ARHGAP12: variants seen among roughly 807,000 people sequenced by gnomAD.
ARHGAP12 encodes the protein rho GTPase-activating protein 12.
ARHGAP12 carries 64 observed loss-of-function variants against 108.6 expected under a neutral mutation model. The ratio of observed to expected loss-of-function variants is 0.59; its 90% CI spans 0.48 to 0.73. The LOEUF (loss-of-function observed/expected upper bound fraction) is 0.73, where lower values mean the gene tolerates loss of function less well. ARHGAP12 is among the 30% of genes least tolerant of loss of function. The probability of loss-of-function intolerance (pLI) is 0.00; values close to 1 mark genes in which losing one functional copy is unlikely to be tolerated. For synonymous variants in ARHGAP12, 312 were observed against 337.2 expected, an observed-to-expected ratio of 0.93 and a Z score of 0.82; for missense variants, 940 against 1,005.9, an observed-to-expected ratio of 0.93 and a Z score of 0.89.
At chr10:31,918,049 G>A (rs1839635426) in intron 1 of ARHGAP12, among the ~76,000 whole-genome samples, 1 of 151,716 alleles carries the variant, frequency 6.6e-6, no homozygotes, top group African/African-American at 2.4e-5. Flanking sequence ...TTAAACTCCT[G>A]GGTTCAAGAA....
chr10:31,853,023 C>T (rs922035519), intron 5 of ARHGAP12, among the ~76,000 whole-genome samples: 3 of 152,018 alleles, frequency 2.0e-5, no homozygotes, highest in South Asian at 2.1e-4. Flanking sequence ...CCACGGCGCC[C>T]GGCCGGCAAC....
chr10:31,828,504 T>A (rs1230449846), intron 10 of ARHGAP12, among the ~76,000 whole-genome samples: 1 of 152,190 alleles, frequency 6.6e-6, no homozygotes, highest in East Asian at 1.9e-4. Context: ...CTCCCTACTA[T>A]GAAAAATACT....
intron 3 of ARHGAP12, among the ~76,000 whole-genome samples, chr10:31,892,140 C>T (rs1196435805): frequency 2.6e-5 from 4 of 152,162 alleles, no homozygotes; most frequent in African/African-American, 7.2e-5. Context: ...CAACTGGTAC[C>T]AGACACTGCA....
intron 3 of ARHGAP12, among the ~76,000 whole-genome samples, chr10:31,879,000 A>T (rs575655899): frequency 6.6e-6 from 1 of 152,374 alleles, no homozygotes; most frequent in African/African-American, 2.4e-5. Context: ...ACAGAAAATG[A>T]AATCTTCAAC....
intron 3 of ARHGAP12, among the ~76,000 whole-genome samples, chr10:31,880,636 A>G (rs1269799803): frequency 3.3e-5 from 5 of 152,222 alleles, no homozygotes; most frequent in African/African-American, 9.6e-5. Flanking sequence ...CTAAATGTAC[A>G]TAAGTTATCT....
rs58245483 is a variant in ARHGAP12, at chr10:31,918,315, T to TCACACACA, written c.-110-7760_-110-7753dup. 2.2e-3 allele frequency among the ~76,000 whole-genome samples: 308 copies of TCACACACA among 140,052 alleles called. 3 individuals are homozygous for TCACACACA. The highest frequency in any genetic ancestry group is 7.2e-3 in the Middle Eastern group (2 of 276). 91.9% of individuals were successfully genotyped at this position (140,052 alleles called of 152,430 possible). A position where few individuals can be genotyped will look rare whatever the true frequency, so the allele number is the denominator to read the frequency against. The stretch of plus-strand genomic sequence containing the variant: ...TGAATATTACTGATCATTAGGGAAA[T>TCACACACA]CACACACACACACACACACACACAC... On this transcript the variant is annotated intron_variant, in intron 1 of 19. Coordinates refer to ENST00000344936, the MANE Select transcript of ARHGAP12 (RefSeq NM_018287.7).
At chr10:31,823,139 G>A (rs553911360) in intron 11 of ARHGAP12, among the ~76,000 whole-genome samples, 12 of 152,250 alleles carry the variant, frequency 7.9e-5, no homozygotes, top group African/African-American at 2.9e-4. Context: ...TACTACGTAA[G>A]CTTTGAAGCC....
At chr10:31,861,796 A>G in intron 3 of ARHGAP12, 138 bp from the exon 4 acceptor site, 1 of 841,884 alleles carries the variant, frequency 1.2e-6, no homozygotes, top group East Asian at 2.9e-5. Flanking sequence ...TGAGGAAATA[A>G]TAATTTAACA....
Position 31,820,966 on chromosome 10 carries a change from T to A in ARHGAP12, c.1531-478A>T, listed in dbSNP as rs528155258. Among the ~76,000 whole-genome samples, 149 of 152,264 alleles carry A rather than the reference T, an allele frequency of 9.8e-4. 2 individuals carry two copies. The South Asian group carries it at 0.022, about 22-fold the overall frequency. The stretch of plus-strand genomic sequence containing the variant: ...ATTTATCCTAGACTACACATGACTA[T>A]GTAAAATGCTATGTACACAAAGGCA... On this transcript the variant is annotated intron_variant, in intron 11 of 19. Transcript: ENST00000344936.
chr10:31,849,687 T>C (rs575205008), intron 6 of ARHGAP12, among the ~76,000 whole-genome samples: 65 of 152,308 alleles, frequency 4.3e-4, no homozygotes, highest in African/African-American at 1.5e-3. Context: ...TCCAATTTAA[T>C]TGAGAGTTAA....
chr10:31,837,671 CCT>C (rs1220614711), intron 9 of ARHGAP12, among the ~76,000 whole-genome samples: 3 of 152,074 alleles, frequency 2.0e-5, no homozygotes, highest in African/African-American at 4.8e-5. Flanking sequence ...GTGTACAACC[CCT>C]GATTAGTGCC....
intron 3 of ARHGAP12, among the ~76,000 whole-genome samples, chr10:31,889,100 C>T (rs1473794257): frequency 1.3e-5 from 2 of 152,144 alleles, no homozygotes; most frequent in Non-Finnish European, 2.9e-5. Context: ...TTAGTAGAGA[C>T]AGGGTTTCGC....
chr10:31,817,259 C>T (rs552069817), intron 13 of ARHGAP12, among the ~76,000 whole-genome samples: 1 of 151,974 alleles, frequency 6.6e-6, no homozygotes, highest in South Asian at 2.1e-4. Context: ...ACTAACATAC[C>T]TGCAGAATAT....
At chr10:31,912,432 C>T (rs1209482689) in intron 1 of ARHGAP12, among the ~76,000 whole-genome samples, 2 of 152,250 alleles carry the variant, frequency 1.3e-5, no homozygotes, top group East Asian at 1.9e-4. Flanking sequence ...GAGTTAAAGG[C>T]CAGTCCACAT....
chr10:31,856,743 A>G (rs1836900805), intron 4 of ARHGAP12, among the ~76,000 whole-genome samples: 1 of 152,210 alleles, frequency 6.6e-6, no homozygotes, highest in African/African-American at 2.4e-5. Flanking sequence ...ATAACCTCAC[A>G]TTAAAACAGA....
At chr10:31,928,056 C>A (rs1162081075) in intron 1 of ARHGAP12, among the ~76,000 whole-genome samples, 1 of 152,180 alleles carries the variant, frequency 6.6e-6, no homozygotes, top group Admixed American at 6.5e-5. Context: ...CAACAGTCCT[C>A]GAGGGACGCC....
chr10:31,822,744 G>T (rs1835461184), intron 11 of ARHGAP12, among the ~76,000 whole-genome samples: 1 of 152,012 alleles, frequency 6.6e-6, no homozygotes, highest in Non-Finnish European at 1.5e-5. Context: ...GTCATCTGTT[G>T]GGAGTAGCCC....
intron 1 of ARHGAP12, among the ~76,000 whole-genome samples, chr10:31,928,269 G>T (rs1840145267): frequency 6.6e-6 from 1 of 150,650 alleles, no homozygotes; most frequent in Non-Finnish European, 1.5e-5. Flanking sequence ...CACCCGCCTT[G>T]TGCACACACG....
At chr10:31,822,398 A>G (rs577983348) in intron 11 of ARHGAP12, among the ~76,000 whole-genome samples, 1 of 152,362 alleles carries the variant, frequency 6.6e-6, no homozygotes, top group African/African-American at 2.4e-5. Flanking sequence ...TGATGATGTC[A>G]TAACAATGCA....
Sources: gnomAD v4.1 joint callset for allele counts (sites outside exome capture counted in the v4.1 genomes callset) on GRCh38, gnomAD v4.1.1 for gene constraint, MANE v1.5 for transcripts, NCBI Gene and HGNC (gene_info 2026-07-23, HGNC 2026-07-21) for gene names.